Variants in ADGRB3 observed in about 807,000 individuals in gnomAD.
ADGRB3 encodes adhesion G protein-coupled receptor B3, also known as brain-specific angiogenesis inhibitor 3.
A neutral mutation model predicts 193.4 loss-of-function variants in ADGRB3; 37 were observed. That is an observed-to-expected ratio of 0.19 (90% CI 0.15 to 0.25). The LOEUF is 0.25. Among genes scored for constraint, ADGRB3 ranks in the 10% least tolerant of loss-of-function variants. The pLI is 1.00. For missense variants in ADGRB3, 1,637 were observed against 1,852.9 expected (o/e 0.88, Z 2.14); for synonymous variants, 690 against 644.2 (o/e 1.07, Z -1.08).
chr6:69,131,846 A>G (rs1272351697), intron 17 of ADGRB3, among the ~76,000 whole-genome samples: 1 of 138,698 alleles, frequency 7.2e-6, no homozygotes, highest in African/African-American at 2.8e-5. Context: ...CTCATTGTTC[A>G]TCTCCCACTT....
chr6:69,140,025 T>G (rs1013289796), intron 17 of ADGRB3, among the ~76,000 whole-genome samples: 8 of 152,314 alleles, frequency 5.3e-5, no homozygotes, highest in Admixed American at 3.3e-4. Context: ...TGCCACTTCC[T>G]ACACTGTAGC....
intron 17 of ADGRB3, among the ~76,000 whole-genome samples, chr6:69,077,135 A>G (rs761961165): frequency 2.0e-5 from 3 of 152,008 alleles, no homozygotes; most frequent in Non-Finnish European, 4.4e-5. Flanking sequence ...GAGAATTCCA[A>G]CTTGCCCTGT....
chr6:69,311,938 A>G (rs1277049910), intron 20 of ADGRB3, among the ~76,000 whole-genome samples: 1 of 151,834 alleles, frequency 6.6e-6, no homozygotes, highest in Non-Finnish European at 1.5e-5. Flanking sequence ...TAAGATACTG[A>G]TAACTACTGC....
chr6:68,993,374 G>A (rs1769293846), intron 10 of ADGRB3, among the ~76,000 whole-genome samples: 2 of 152,168 alleles, frequency 1.3e-5, no homozygotes, highest in Non-Finnish European at 2.9e-5. Flanking sequence ...GGTAAAAATG[G>A]CTATTTTTGA....
At chr6:69,040,911 G>A (rs1771047764) in intron 13 of ADGRB3, among the ~76,000 whole-genome samples, 1 of 152,044 alleles carries the variant, frequency 6.6e-6, no homozygotes, top group African/African-American at 2.4e-5. Context: ...GTACTTTTGA[G>A]TATCAAAGAA....
At chr6:69,064,590 AT>A (rs1201894933) in intron 16 of ADGRB3, among the ~76,000 whole-genome samples, 10 of 151,984 alleles carry the variant, frequency 6.6e-5, no homozygotes, top group African/African-American at 1.9e-4. Context: ...TTTTACAAAA[AT>A]ATATGTTTTT....
At chr6:69,134,978 T>A (rs935228541) in intron 17 of ADGRB3, among the ~76,000 whole-genome samples, 1 of 152,018 alleles carries the variant, frequency 6.6e-6, no homozygotes, top group Non-Finnish European at 1.5e-5. Flanking sequence ...TAAAACAAAC[T>A]CTGTTTTAGT....
At chr6:68,951,767 G>T (rs188252913) in intron 6 of ADGRB3, among the ~76,000 whole-genome samples, 47 of 152,228 alleles carry the variant, frequency 3.1e-4, no homozygotes, top group Non-Finnish European at 5.7e-4. Context: ...GACCCTGAGA[G>T]GTCCCTCTTA....
At chr6:68,883,582 G>A (rs146235639) in intron 3 of ADGRB3, among the ~76,000 whole-genome samples, 4 of 152,148 alleles carry the variant, frequency 2.6e-5, no homozygotes, top group African/African-American at 9.7e-5. Flanking sequence ...TCACTGGGAG[G>A]AGTGAACAAC....
At chr6:69,140,457 A>G (rs9446098) in intron 17 of ADGRB3, among the ~76,000 whole-genome samples, 33,074 of 152,128 alleles carry the variant, frequency 0.22, 3,864 homozygotes, top group Middle Eastern at 0.25. Flanking sequence ...TCATGAAGGT[A>G]GAGAGTAGAA....
intron 13 of ADGRB3, among the ~76,000 whole-genome samples, chr6:69,043,664 G>C (rs183186761): frequency 6.6e-6 from 1 of 152,142 alleles, no homozygotes; most frequent in Non-Finnish European, 1.5e-5. Flanking sequence ...TGTTCTAGGT[G>C]AACTATTCTC....
At chr6:69,312,664 C>A (rs920665425) in intron 20 of ADGRB3, among the ~76,000 whole-genome samples, 1 of 151,656 alleles carries the variant, frequency 6.6e-6, no homozygotes, top group Non-Finnish European at 1.5e-5. Flanking sequence ...CTGCACCCCA[C>A]CATGGCAGCA....
At chr6:68,912,122 A>G (rs565806091) in intron 3 of ADGRB3, among the ~76,000 whole-genome samples, 1 of 152,138 alleles carries the variant, frequency 6.6e-6, no homozygotes, top group South Asian at 2.1e-4. Flanking sequence ...AGAATAATTG[A>G]GTACTGTTGT....
At chr6:68,863,318 T>A (rs1765206421) in intron 3 of ADGRB3, among the ~76,000 whole-genome samples, 1 of 152,044 alleles carries the variant, frequency 6.6e-6, no homozygotes, top group Non-Finnish European at 1.5e-5. Context: ...AGTTACCATA[T>A]ATATGAAGTA....
chr6:69,302,053 A>C (rs1010510523), intron 20 of ADGRB3, among the ~76,000 whole-genome samples: 6 of 152,068 alleles, frequency 3.9e-5, no homozygotes, highest in Admixed American at 3.9e-4. Flanking sequence ...TCTGCTGACC[A>C]AGAGGCAGCA....
rs376120314 is a variant in ADGRB3, at chr6:68,763,875, C to A, written c.757+124443C>A. Among the ~76,000 whole-genome samples, 5 of 152,138 alleles carry A rather than the reference C, an allele frequency of 3.3e-5. No individual in the cohort carries two copies. In the East Asian group the frequency reaches 9.7e-4, roughly 29 times the overall value. On this transcript the variant is annotated intron_variant, in intron 3 of 31. Transcript: ENST00000370598. ...ATTGCTTGAGCCCAGGAGCTCAAGG[C>A]CAGCCTGGGCAACATGGTGAAACAC...
intron 17 of ADGRB3, among the ~76,000 whole-genome samples, chr6:69,112,892 G>A (rs1263810884): frequency 1.3e-5 from 2 of 151,920 alleles, no homozygotes; most frequent in African/African-American, 4.8e-5. Flanking sequence ...TGAGTAGCTG[G>A]GATTACAGGC....
chr6:69,308,525 T>A (rs1768112560), intron 20 of ADGRB3, among the ~76,000 whole-genome samples: 1 of 151,730 alleles, frequency 6.6e-6, no homozygotes, highest in Non-Finnish European at 1.5e-5. Flanking sequence ...ATATGATAGT[T>A]TATCAACTAA....
At chr6:68,756,548 A>G (rs1269932351) in intron 3 of ADGRB3, among the ~76,000 whole-genome samples, 4 of 152,054 alleles carry the variant, frequency 2.6e-5, no homozygotes, top group African/African-American at 9.7e-5. Flanking sequence ...ATGACGATGG[A>G]TTATTTTCCT....
Sources: gnomAD v4.1 joint callset for allele counts (sites outside exome capture counted in the v4.1 genomes callset) on GRCh38, gnomAD v4.1.1 for gene constraint, MANE v1.5 for transcripts, NCBI Gene and HGNC (gene_info 2026-07-23, HGNC 2026-07-21) for gene names.